The following MDGA2 variants were observed in gnomAD, a reference collection of about 807,000 sequenced individuals.
The protein encoded by MDGA2 is MAM domain-containing glycosylphosphatidylinositol anchor protein 2.
A neutral mutation model predicts 117.8 loss-of-function variants in MDGA2; 40 were observed. The ratio of observed to expected loss-of-function variants is 0.34; its 90% CI spans 0.26 to 0.44. The LOEUF (loss-of-function observed/expected upper bound fraction) is 0.44. Among genes scored for constraint, MDGA2 ranks in the 20% least tolerant of loss-of-function variants. The pLI, the probability that MDGA2 is intolerant of heterozygous loss-of-function variation, is 1.00. For synonymous variants in MDGA2, 452 were observed against 439.0 expected (o/e 1.03, Z -0.37); for missense variants, 1,123 against 1,250.6 (o/e 0.90, Z 1.54).
In MDGA2 at chr14:47,242,703, G is replaced by T. The variant is rs550510871; in HGVS notation, c.421-24508C>A. The stretch of plus-strand genomic sequence containing the variant: ...CGCAGGGCAGTGCTCGGGACCTGCA[G>T]CCCGCCATGCCTGAGCCTCCCACCC... On this transcript the variant is annotated intron_variant, in intron 2 of 16. Transcript: ENST00000399232. Among the ~76,000 whole-genome samples the T allele has an allele frequency of 7.9e-5, 12 of 151,968 alleles. No homozygotes were observed. The South Asian group carries it at 2.5e-3, about 32-fold the overall frequency.
At chr14:47,084,837 A>C (rs1224698332) in intron 6 of MDGA2, among the ~76,000 whole-genome samples, 1 of 152,152 alleles carries the variant, frequency 6.6e-6, no homozygotes, top group Non-Finnish European at 1.5e-5. Flanking sequence ...CCATGCCAAC[A>C]CACTGATCTT....
intron 1 of MDGA2, among the ~76,000 whole-genome samples, chr14:47,579,302 T>A (rs1896184394): frequency 6.6e-6 from 1 of 152,066 alleles, no homozygotes; most frequent in African/African-American, 2.4e-5. Flanking sequence ...AAGATATTAT[T>A]CATCCACTTA....
rs1367004715 is a variant in MDGA2, at chr14:47,456,023, T to C, written c.281-154473A>G. On this transcript the variant is annotated intron_variant, in intron 1 of 16. Coordinates refer to ENST00000399232, the MANE Select transcript of MDGA2 (RefSeq NM_001113498.3). ...AAAAATAAAGTAAAATAAAATAAAATAAAATAAAAATTAAAATAAAGAAAG... is the reference window on the plus strand; with the variant it reads ...AAAAATAAAGTAAAATAAAATAAAACAAAATAAAAATTAAAATAAAGAAAG... 6.0e-5 allele frequency among the ~76,000 whole-genome samples: 9 copies of C among 150,732 alleles called. No homozygotes were observed. In the East Asian group the frequency reaches 1.8e-3, roughly 30 times the overall value.
intron 2 of MDGA2, among the ~76,000 whole-genome samples, chr14:47,230,986 C>T (rs1886670382): frequency 6.6e-6 from 1 of 151,838 alleles, no homozygotes; most frequent in African/African-American, 2.4e-5. Flanking sequence ...TTGAATAAAG[C>T]TTAAAAAGAT....
intron 7 of MDGA2, chr14:47,059,398 A>G: frequency 1.0e-6 from 1 of 1,001,132 alleles, no homozygotes; most frequent in Non-Finnish European, 1.4e-6. Flanking sequence ...AGCCAGGCAA[A>G]TTAATGATAG....
intron 8 of MDGA2, among the ~76,000 whole-genome samples, chr14:46,995,251 A>G (rs565342467): frequency 2.0e-5 from 3 of 152,120 alleles, no homozygotes; most frequent in Non-Finnish European, 4.4e-5. Context: ...ATTAGAACCA[A>G]TTAGGGAGTT....
intron 1 of MDGA2, among the ~76,000 whole-genome samples, chr14:47,566,438 G>A (rs1464547565): frequency 1.3e-5 from 2 of 152,170 alleles, no homozygotes; most frequent in Non-Finnish European, 2.9e-5. Context: ...TTCACTTAAA[G>A]CTAGAGTATC....
chr14:47,238,057 G>T (rs765658199), intron 2 of MDGA2, among the ~76,000 whole-genome samples: 1 of 152,046 alleles, frequency 6.6e-6, no homozygotes, highest in Non-Finnish European at 1.5e-5. Flanking sequence ...CTTCCTGAAA[G>T]ACACCAAGAG....
At chr14:46,903,660 A>G (rs1883380065) in intron 10 of MDGA2, among the ~76,000 whole-genome samples, 1 of 152,188 alleles carries the variant, frequency 6.6e-6, no homozygotes, top group Admixed American at 6.5e-5. Context: ...TTTTCTCCAA[A>G]AATTCCAGTT....
At chr14:47,195,169 T>C (rs1885244713) in intron 3 of MDGA2, among the ~76,000 whole-genome samples, 1 of 152,078 alleles carries the variant, frequency 6.6e-6, no homozygotes, top group Admixed American at 6.5e-5. Flanking sequence ...TTATATTATT[T>C]TCATGTGCAC....
intron 1 of MDGA2, among the ~76,000 whole-genome samples, chr14:47,496,678 T>C (rs929194273): frequency 5.9e-5 from 9 of 151,702 alleles, no homozygotes; most frequent in African/African-American, 2.4e-5. Flanking sequence ...TATGCTGATA[T>C]ACTGTTTAAT....
chr14:46,858,533 T>C (rs1400309287), intron 14 of MDGA2, among the ~76,000 whole-genome samples: 3 of 150,606 alleles, frequency 2.0e-5, no homozygotes, highest in African/African-American at 7.3e-5. Context: ...GTTCACGCCA[T>C]TCTCCTGCCT....
At chr14:46,877,089 T>C (rs1882261063) in intron 12 of MDGA2, among the ~76,000 whole-genome samples, 1 of 151,532 alleles carries the variant, frequency 6.6e-6, no homozygotes, top group South Asian at 2.1e-4. Context: ...AAATACCAAC[T>C]TTCTAAGTAA....
intron 2 of MDGA2, among the ~76,000 whole-genome samples, chr14:47,222,998 T>C (rs1886356115): frequency 6.6e-6 from 1 of 152,202 alleles, no homozygotes; most frequent in African/African-American, 2.4e-5. Flanking sequence ...CTGTTCCAAA[T>C]GGCTGGCAAG....
intron 2 of MDGA2, among the ~76,000 whole-genome samples, chr14:47,299,123 CA>C (rs2139805153): frequency 6.6e-6 from 1 of 151,518 alleles, no homozygotes. Context: ...GAAATGTTTC[CA>C]AAAAATGGAA....
At chr14:47,251,062 T>A (rs923653990) in intron 2 of MDGA2, among the ~76,000 whole-genome samples, 8 of 152,232 alleles carry the variant, frequency 5.3e-5, no homozygotes, top group African/African-American at 1.9e-4. Context: ...TAAGTCAAAG[T>A]ACACTAATTA....
chr14:47,674,499 C>A lies in MDGA2; in HGVS notation c.280+18G>T. 6.5e-7 allele frequency: 1 copy of A among 1,545,318 alleles called. No individual in the cohort carries two copies. Among genetic ancestry groups the A allele is most frequent in the Non-Finnish European group, 8.7e-7 (1 of 1,143,962 alleles). On this transcript the variant is annotated intron_variant, in intron 1 of 16. Transcript: ENST00000399232. ...CCTAAGAATCACAAGGTCACGATAG[C>A]GTCGCGATTCCACTCACCGTACACT...
At chr14:47,392,238 T>A (rs868518635) in intron 1 of MDGA2, among the ~76,000 whole-genome samples, 5 of 152,080 alleles carry the variant, frequency 3.3e-5, no homozygotes, top group African/African-American at 1.2e-4. Context: ...ATTACTGAAG[T>A]CAAAGGGGCA....
intron 1 of MDGA2, among the ~76,000 whole-genome samples, chr14:47,513,191 A>G (rs1246333583): frequency 6.6e-6 from 1 of 152,152 alleles, no homozygotes; most frequent in Admixed American, 6.6e-5. Context: ...CATCACCTTA[A>G]TAAAATAGGA....
Sources: gnomAD v4.1 joint callset for allele counts (sites outside exome capture counted in the v4.1 genomes callset) on GRCh38, gnomAD v4.1.1 for gene constraint, MANE v1.5 for transcripts, NCBI Gene and HGNC (gene_info 2026-07-23, HGNC 2026-07-21) for gene names.